Variants in ZFPM2 observed in about 807,000 individuals in gnomAD.
The protein encoded by ZFPM2 is zinc finger protein ZFPM2.
In ZFPM2, 20 loss-of-function variants were observed where a neutral mutation model predicts 98.6. The observed-to-expected ratio is 0.20, with a 90% confidence interval of 0.14 to 0.29. The LOEUF (loss-of-function observed/expected upper bound fraction) is 0.29. Ranked by LOEUF, ZFPM2 falls within the 10% of genes least tolerant of loss-of-function variation. The pLI, the probability that ZFPM2 is intolerant of heterozygous loss-of-function variation, is 1.00. For missense variants in ZFPM2, 1,310 were observed against 1,388.6 expected (o/e 0.94, Z 0.90); for synonymous variants, 518 against 502.7 (o/e 1.03, Z -0.41).
At chr8:105,631,576 C>A (rs1181319357) in intron 4 of ZFPM2, among the ~76,000 whole-genome samples, 2 of 152,102 alleles carry the variant, frequency 1.3e-5, no homozygotes, top group African/African-American at 2.4e-5. Flanking sequence ...CCCCAGACTG[C>A]AAAGGATGGG....
intron 4 of ZFPM2, among the ~76,000 whole-genome samples, chr8:105,600,570 C>A (rs1816071631): frequency 6.6e-6 from 1 of 151,652 alleles, no homozygotes; most frequent in Non-Finnish European, 1.5e-5. Context: ...ATTTTTATTT[C>A]ATTCTTTCTC....
At chr8:105,380,903 A>G (rs1810871625) in intron 1 of ZFPM2, among the ~76,000 whole-genome samples, 2 of 99,120 alleles carry the variant, frequency 2.0e-5, no homozygotes, top group Admixed American at 1.7e-4. Context: ...TATATAATAT[A>G]TAATATATAT....
chr8:105,439,899 C>T (rs1236204225), intron 2 of ZFPM2, among the ~76,000 whole-genome samples: 1 of 152,170 alleles, frequency 6.6e-6, no homozygotes, highest in African/African-American at 2.4e-5. Flanking sequence ...CAAAAGGTCA[C>T]TCACCTAAGT....
chr8:105,538,606 T>C (rs1344292426), intron 3 of ZFPM2, among the ~76,000 whole-genome samples: 1 of 152,152 alleles, frequency 6.6e-6, no homozygotes, highest in Non-Finnish European at 1.5e-5. Flanking sequence ...TTCAAAACAT[T>C]ATCCGTGACT....
chr8:105,644,573 C>G (rs767004343), intron 5 of ZFPM2, among the ~76,000 whole-genome samples: 8 of 152,016 alleles, frequency 5.3e-5, no homozygotes, highest in Non-Finnish European at 1.2e-4. Context: ...CTCTTTCTCT[C>G]CCTGTTTCTC....
chr8:105,718,915 TAG>T (rs1410941094), intron 5 of ZFPM2, among the ~76,000 whole-genome samples: 1 of 151,862 alleles, frequency 6.6e-6, no homozygotes, highest in Non-Finnish European at 1.5e-5. Context: ...GACCCACATG[TAG>T]AGAGATGACT....
In ZFPM2 at chr8:105,549,459, C is replaced by T. The variant is rs185101409; in HGVS notation, c.302-11904C>T. Among the ~76,000 whole-genome samples, 12 of 151,794 alleles carry T rather than the reference C, an allele frequency of 7.9e-5. No homozygotes were observed. In the East Asian group the frequency reaches 2.4e-3, roughly 30 times the overall value. On this transcript the variant is annotated intron_variant, in intron 3 of 7. Coordinates refer to ENST00000407775, the MANE Select transcript of ZFPM2 (RefSeq NM_012082.4). ...GGGAGTCGTTTTGGTGTCCTTTACA[C>T]TTGTTATTCTTGGGAAGAAAAGCTC...
intron 5 of ZFPM2, among the ~76,000 whole-genome samples, chr8:105,656,229 A>G (rs1817283266): frequency 6.6e-6 from 1 of 152,146 alleles, no homozygotes; most frequent in Non-Finnish European, 1.5e-5. Context: ...GAAAACAAGC[A>G]AGTGATGAAA....
intron 4 of ZFPM2, among the ~76,000 whole-genome samples, chr8:105,565,868 A>G (rs1205817297): frequency 2.6e-5 from 4 of 152,150 alleles, no homozygotes; most frequent in Admixed American, 2.6e-4. Context: ...TTCTCCAGAG[A>G]AACAGAACAA....
At chr8:105,356,591 CT>C (rs1242463302) in intron 1 of ZFPM2, among the ~76,000 whole-genome samples, 2 of 152,140 alleles carry the variant, frequency 1.3e-5, no homozygotes, top group African/African-American at 4.8e-5. Context: ...AATATTGACC[CT>C]TTTCACAGCT....
At chr8:105,751,565 C>G (rs762425803) in intron 5 of ZFPM2, among the ~76,000 whole-genome samples, 1 of 151,986 alleles carries the variant, frequency 6.6e-6, no homozygotes, top group African/African-American at 2.4e-5. Context: ...GAAAGAAGGG[C>G]TAGAAAATGT....
chr8:105,741,148 G>T (rs1284442914), intron 5 of ZFPM2, among the ~76,000 whole-genome samples: 2 of 152,012 alleles, frequency 1.3e-5, no homozygotes, highest in Non-Finnish European at 2.9e-5. Flanking sequence ...CCAGAGAAGT[G>T]TGCAGAGGAG....
intron 5 of ZFPM2, among the ~76,000 whole-genome samples, chr8:105,638,783 C>T (rs571773411): frequency 1.3e-5 from 2 of 152,010 alleles, no homozygotes; most frequent in East Asian, 1.9e-4. Flanking sequence ...TCCTTGTCAG[C>T]GTGTCCATCA....
intron 3 of ZFPM2, among the ~76,000 whole-genome samples, chr8:105,546,489 A>G (rs1471759519): frequency 1.3e-5 from 2 of 151,368 alleles, no homozygotes; most frequent in Non-Finnish European, 1.5e-5. Context: ...GAATCACTTG[A>G]ACCTGGGAGC....
intron 5 of ZFPM2, among the ~76,000 whole-genome samples, chr8:105,746,581 A>G (rs191608142): frequency 6.6e-6 from 1 of 151,672 alleles, no homozygotes; most frequent in Non-Finnish European, 1.5e-5. Context: ...GTATTTTCTT[A>G]GCAGATATGT....
intron 3 of ZFPM2, among the ~76,000 whole-genome samples, chr8:105,496,509 A>G (rs1813470306): frequency 6.6e-6 from 1 of 152,112 alleles, no homozygotes; most frequent in African/African-American, 2.4e-5. Flanking sequence ...AACAAAAATA[A>G]TATGCCTTTC....
chr8:105,714,385 T>C (rs1305246518), intron 5 of ZFPM2, among the ~76,000 whole-genome samples: 1 of 152,046 alleles, frequency 6.6e-6, no homozygotes, highest in Non-Finnish European at 1.5e-5. Context: ...TAGGGTTTTC[T>C]CAGCATAGAA....
At chr8:105,408,103 A>G (rs1392706274) in intron 1 of ZFPM2, among the ~76,000 whole-genome samples, 2 of 151,930 alleles carry the variant, frequency 1.3e-5, no homozygotes, top group Non-Finnish European at 2.9e-5. Flanking sequence ...TTTTTAAGAT[A>G]GCCCTTAGAT....
intron 5 of ZFPM2, among the ~76,000 whole-genome samples, chr8:105,670,782 C>T (rs920785034): frequency 3.9e-5 from 6 of 152,106 alleles, no homozygotes; most frequent in Non-Finnish European, 5.9e-5. Context: ...TAAGAAAAAC[C>T]GGACCCATAG....
Sources: allele counts gnomAD v4.1 joint callset (sites outside exome capture counted in the v4.1 genomes callset), GRCh38; gene constraint gnomAD v4.1.1; transcripts MANE v1.5; gene names NCBI Gene and HGNC (gene_info 2026-07-23, HGNC 2026-07-21).